Variants in CTNNA3 observed in about 807,000 individuals in gnomAD.
CTNNA3 encodes catenin alpha-3.
CTNNA3 carries 76 observed loss-of-function variants against 95.7 expected under a neutral mutation model. The ratio of observed to expected loss-of-function variants is 0.79; its 90% CI spans 0.66 to 0.96. CTNNA3 has a LOEUF of 0.96. CTNNA3 is among the 40% of genes least tolerant of loss of function. CTNNA3 has a pLI of 0.00. For missense variants in CTNNA3, 1,191 were observed against 1,089.8 expected (o/e 1.09, Z -1.31); for synonymous variants, 431 against 374.4 (o/e 1.15, Z -1.74).
intron 7 of CTNNA3, among the ~76,000 whole-genome samples, chr10:66,905,428 G>A (rs748512715): frequency 6.6e-5 from 10 of 152,150 alleles, no homozygotes; most frequent in Non-Finnish European, 7.3e-5. Flanking sequence ...TAAATGACGA[G>A]TTGATGGGTG....
chr10:66,408,571 C>T (rs1340024257), intron 11 of CTNNA3, among the ~76,000 whole-genome samples: 2 of 152,076 alleles, frequency 1.3e-5, no homozygotes, highest in Non-Finnish European at 2.9e-5. Flanking sequence ...TTTAATCATC[C>T]TTAAGCTGTA....
intron 9 of CTNNA3, among the ~76,000 whole-genome samples, chr10:66,750,992 G>T (rs1382050378): frequency 6.6e-6 from 1 of 152,106 alleles, no homozygotes; most frequent in Non-Finnish European, 1.5e-5. Context: ...ATTCCAGGCT[G>T]GGCGTGGTGG....
At chr10:66,636,318 T>C (rs1220244243) in intron 9 of CTNNA3, among the ~76,000 whole-genome samples, 1 of 152,158 alleles carries the variant, frequency 6.6e-6, no homozygotes, top group Non-Finnish European at 1.5e-5. Flanking sequence ...TAACTACCCC[T>C]GTACCTCTAC....
At chr10:66,771,079 T>G (rs1277478067) in intron 8 of CTNNA3, among the ~76,000 whole-genome samples, 1 of 152,034 alleles carries the variant, frequency 6.6e-6, no homozygotes, top group Non-Finnish European at 1.5e-5. Context: ...TTTTTCTGAG[T>G]GGTGAACTGG....
intron 2 of CTNNA3, among the ~76,000 whole-genome samples, chr10:67,618,380 T>C (rs866118757): frequency 7.9e-5 from 12 of 152,190 alleles, no homozygotes; most frequent in South Asian, 4.1e-4. Context: ...ACTTACGTAT[T>C]CCAGAATTGT....
intron 13 of CTNNA3, among the ~76,000 whole-genome samples, chr10:66,278,729 C>T (rs1253551591): frequency 6.6e-6 from 1 of 152,036 alleles, no homozygotes; most frequent in Non-Finnish European, 1.5e-5. Flanking sequence ...TACCCTGGTT[C>T]CCCTGTGCTA....
At chr10:67,124,410 C>T (rs1239304231) in intron 7 of CTNNA3, among the ~76,000 whole-genome samples, 1 of 148,150 alleles carries the variant, frequency 6.7e-6, no homozygotes, top group African/African-American at 2.5e-5. Context: ...TATGTAAACA[C>T]TCTTTACTCC....
intron 9 of CTNNA3, among the ~76,000 whole-genome samples, chr10:66,683,610 C>T (rs928401837): frequency 1.3e-5 from 2 of 150,178 alleles, no homozygotes; most frequent in African/African-American, 2.5e-5. Context: ...TACATTAATG[C>T]AGTAATGTGC....
At chr10:66,409,319 T>G (rs1290111747) in intron 11 of CTNNA3, among the ~76,000 whole-genome samples, 1 of 152,120 alleles carries the variant, frequency 6.6e-6, no homozygotes, top group Non-Finnish European at 1.5e-5. Flanking sequence ...GTTTTTGGTC[T>G]ACTTAACATG....
intron 14 of CTNNA3, among the ~76,000 whole-genome samples, chr10:66,088,580 C>A (rs1002116929): frequency 1.6e-4 from 24 of 150,268 alleles, no homozygotes; most frequent in African/African-American, 5.9e-4. Context: ...TGTATCTGGG[C>A]AAACATTCTA....
intron 9 of CTNNA3, among the ~76,000 whole-genome samples, chr10:66,697,269 T>C (rs1847800484): frequency 6.7e-6 from 1 of 149,872 alleles, no homozygotes. Flanking sequence ...TATATATAGA[T>C]ATATAGATAT....
intron 11 of CTNNA3, among the ~76,000 whole-genome samples, chr10:66,462,618 T>C (rs1220869069): frequency 1.3e-5 from 2 of 152,118 alleles, no homozygotes; most frequent in Non-Finnish European, 2.9e-5. Context: ...AAAATAATAA[T>C]ACAACATTTC....
intron 5 of CTNNA3, among the ~76,000 whole-genome samples, chr10:67,356,904 T>C (rs923549066): frequency 2.6e-5 from 4 of 152,078 alleles, no homozygotes; most frequent in Admixed American, 2.6e-4. Flanking sequence ...TTACACACCA[T>C]CCTTACTGGT....
At chr10:67,400,454 C>T (rs544968795) in intron 5 of CTNNA3, among the ~76,000 whole-genome samples, 28 of 152,156 alleles carry the variant, frequency 1.8e-4, no homozygotes, top group African/African-American at 3.9e-4. Flanking sequence ...GAGCAATTCA[C>T]GGGAAAATAA....
At chr10:66,689,598 C>G (rs1432345434) in intron 9 of CTNNA3, among the ~76,000 whole-genome samples, 3 of 151,962 alleles carry the variant, frequency 2.0e-5, no homozygotes, top group Non-Finnish European at 4.4e-5. Context: ...TTCTAGTAGC[C>G]CAAGAGTCCT....
At chr10:66,357,892 A>G (rs993397786) in intron 12 of CTNNA3, among the ~76,000 whole-genome samples, 4 of 152,148 alleles carry the variant, frequency 2.6e-5, no homozygotes, top group African/African-American at 9.7e-5. Context: ...GAGAAGCTGT[A>G]CTATTTTGTA....
At chr10:66,394,231 C>T (rs554561698) in intron 11 of CTNNA3, among the ~76,000 whole-genome samples, 2 of 152,040 alleles carry the variant, frequency 1.3e-5, no homozygotes, top group South Asian at 4.1e-4. Context: ...GCCATCATAG[C>T]TAGAGGGAAC....
At position 67,320,175 on chromosome 10, in the gene CTNNA3, T is replaced by TAAAGCCAGAGC. The variant is rs1841250740; in HGVS notation, c.580-100306_580-100305insGCTCTGGCTTT. 2.0e-5 allele frequency among the ~76,000 whole-genome samples: 3 copies of TAAAGCCAGAGC among 152,158 alleles called. No homozygotes were observed. In the South Asian group the frequency reaches 6.2e-4, roughly 31 times the overall value. On this transcript the variant is annotated intron_variant, in intron 5 of 17. Coordinates refer to ENST00000433211, the MANE Select transcript of CTNNA3 (RefSeq NM_013266.4). ...TGGGAAAGCCTCTTAAAGCCAGACTTTTGAAGCTCAGTAATCTTCTGAGCC... is the reference window on the plus strand; with the variant it reads ...TGGGAAAGCCTCTTAAAGCCAGACTTAAAGCCAGAGCTTGAAGCTCAGTAATCTTCTGAGCC...
intron 9 of CTNNA3, among the ~76,000 whole-genome samples, chr10:66,721,450 A>G (rs545749702): frequency 2.6e-5 from 4 of 152,338 alleles, no homozygotes; most frequent in South Asian, 4.1e-4. Flanking sequence ...AACATTTATT[A>G]GGAGTATAGC....
Sources: allele counts gnomAD v4.1 joint callset (sites outside exome capture counted in the v4.1 genomes callset), GRCh38; gene constraint gnomAD v4.1.1; transcripts MANE v1.5; gene names NCBI Gene and HGNC (gene_info 2026-07-23, HGNC 2026-07-21).